The following ZC3H11A variants were observed in gnomAD, a reference collection of about 807,000 sequenced individuals.
ZC3H11A encodes the protein zinc finger CCCH-type containing 11A, also known as zinc finger CCCH domain-containing protein 11A.
Under a neutral mutation model 90.8 loss-of-function variants are expected in ZC3H11A, and 22 were observed. That is an observed-to-expected ratio of 0.24 (90% CI 0.17 to 0.35). ZC3H11A has a LOEUF of 0.35. Ranked by LOEUF, ZC3H11A falls within the 10% of genes least tolerant of loss-of-function variation. ZC3H11A has a pLI of 1.00. For synonymous variants in ZC3H11A, 294 were observed against 339.8 expected, an observed-to-expected ratio of 0.87 and a Z score of 1.48; for missense variants, 701 against 964.9, an observed-to-expected ratio of 0.73 and a Z score of 3.62.
chr1:203,853,628 T>C lies in ZC3H11A; in HGVS notation c.*1229T>C, dbSNP rs887024086. 4 of 152,676 alleles carry C rather than the reference T, an allele frequency of 2.6e-5. No individual in the cohort carries two copies. Among genetic ancestry groups the C allele is most frequent in the Non-Finnish European group, 4.4e-5 (3 of 68,042 alleles). The allele number at this position is 152,676 out of a possible 1,614,324, so 9.5% of individuals were successfully genotyped here. A position where few individuals can be genotyped will look rare whatever the true frequency, so the allele number is the denominator to read the frequency against. On this transcript the variant is annotated 3_prime_UTR_variant, in exon 18 of 18. Transcript: ENST00000367210. ...TGTAGGTGGCCAGTTTTGTTTCTCA[T>C]AGGGAAATCTGACCCACCTGTCATG...
intron 4 of ZC3H11A, among the ~76,000 whole-genome samples, chr1:203,827,159 G>A (rs976658197): frequency 2.0e-5 from 3 of 151,938 alleles, no homozygotes; most frequent in Non-Finnish European, 2.9e-5. Flanking sequence ...TCTGTTGTAC[G>A]AATACTTTAC....
intron 4 of ZC3H11A, among the ~76,000 whole-genome samples, chr1:203,821,081 G>C (rs1678504375): frequency 6.6e-6 from 1 of 152,096 alleles, no homozygotes; most frequent in Non-Finnish European, 1.5e-5. Context: ...GTTAAGGGAG[G>C]GACCTGATGG....
chr1:203,815,899 G>A (rs1034826186), intron 2 of ZC3H11A, among the ~76,000 whole-genome samples: 4 of 152,148 alleles, frequency 2.6e-5, no homozygotes, highest in Admixed American at 6.6e-5. Flanking sequence ...TTGCTTGGAC[G>A]TTTTAGTGTG....
At chr1:203,799,926 T>C (rs1670013658) in intron 1 of ZC3H11A, 1 of 1,536,152 alleles carries the variant, frequency 6.5e-7, no homozygotes, top group Non-Finnish European at 8.7e-7. Context: ...GGTCTGTAAT[T>C]ATATGGAATC....
At chr1:203,820,630 A>C (rs1445642435) in intron 4 of ZC3H11A, among the ~76,000 whole-genome samples, 1 of 151,886 alleles carries the variant, frequency 6.6e-6, no homozygotes, top group Non-Finnish European at 1.5e-5. Flanking sequence ...GGCATGCCTC[A>C]CCACACCCGT....
intron 2 of ZC3H11A, among the ~76,000 whole-genome samples, chr1:203,811,508 TA>T (rs958896479): frequency 1.3e-5 from 2 of 152,300 alleles, no homozygotes; most frequent in Non-Finnish European, 2.9e-5. Context: ...TTATTCCCCT[TA>T]AAAACTTTTT....
In ZC3H11A at chr1:203,853,585, C is replaced by A. The variant is rs1295895420; in HGVS notation, c.*1186C>A. ...AGGAGGAAGAGGAAGGAAGGACTTA[C>A]CCATTTTGATATTTTGCTGTAGGTG... On this transcript the variant is annotated 3_prime_UTR_variant, in exon 18 of 18. Transcript: ENST00000367210. 3 of 152,584 alleles carry A rather than the reference C, an allele frequency of 2.0e-5. No individual in the cohort carries two copies. Among genetic ancestry groups the A allele is most frequent in the African/African-American group, 7.2e-5 (3 of 41,428 alleles). The allele number at this position is 152,584 out of a possible 1,614,324, so 9.5% of individuals were successfully genotyped here. A position where few individuals can be genotyped will look rare whatever the true frequency, so the allele number is the denominator to read the frequency against.
In ZC3H11A at chr1:203,853,753, C is replaced by G. The variant is rs1689693864; in HGVS notation, c.*1354C>G. ...AAAAGGAAGAAAGCCACAGGACTGC[C>G]CATTCAGTCTTGGGAAGATTGGGAT... On this transcript the variant is annotated 3_prime_UTR_variant, in exon 18 of 18. Coordinates refer to ENST00000367210, the MANE Select transcript of ZC3H11A (RefSeq NM_001376342.1). 1 of 152,564 alleles carries G rather than the reference C, an allele frequency of 6.6e-6. No homozygotes were observed. The highest frequency in any genetic ancestry group is 2.4e-5 in the African/African-American group (1 of 41,402). 9.5% of individuals were successfully genotyped at this position (152,564 alleles called of 1,614,324 possible). A position where few individuals can be genotyped will look rare whatever the true frequency, so the allele number is the denominator to read the frequency against.
intron 2 of ZC3H11A, among the ~76,000 whole-genome samples, chr1:203,811,901 C>T (rs1487237756): frequency 6.6e-6 from 1 of 151,550 alleles, no homozygotes; most frequent in Non-Finnish European, 1.5e-5. Flanking sequence ...CTGCAACCTC[C>T]ACCTCCTGTG....
At chr1:203,799,276 T>C in intron 1 of ZC3H11A, 1 of 738,026 alleles carries the variant, frequency 1.4e-6, no homozygotes, top group Non-Finnish European at 2.4e-6. Flanking sequence ...CCATGCTTCC[T>C]GCATTGTTTA....
At chr1:203,798,490 A>G in intron 1 of ZC3H11A, 2 of 1,536,150 alleles carry the variant, frequency 1.3e-6, no homozygotes, top group Non-Finnish European at 1.7e-6. Context: ...GTTGCCAACA[A>G]AGACAGTGGT....
At chr1:203,842,090 G>C (rs985679276) in intron 12 of ZC3H11A, among the ~76,000 whole-genome samples, 28 of 151,630 alleles carry the variant, frequency 1.8e-4, no homozygotes, top group African/African-American at 6.5e-4. Context: ...ATGGCGGCTG[G>C]GAAGAGGCGC....
At position 203,838,596 on chromosome 1, in the gene ZC3H11A, A is replaced by G. The variant is rs150126779; in HGVS notation, c.973+532A>G. On this transcript the variant is annotated intron_variant, in intron 11 of 17. Transcript: ENST00000367210. ...AAGAGTGTGGTGACTAGATCATAATATAGTCTTTAAGCCATGTTAGAAAGT... is the reference window on the plus strand; with the variant it reads ...AAGAGTGTGGTGACTAGATCATAATGTAGTCTTTAAGCCATGTTAGAAAGT... Among the ~76,000 whole-genome samples the G allele has an allele frequency of 1.1e-3, 163 of 152,304 alleles. 1 individual carries two copies. The highest frequency in any genetic ancestry group is 3.5e-3 in the African/African-American group (145 of 41,570).
chr1:203,796,036 C>T (rs1333389923), intron 1 of ZC3H11A: 1 of 146,792 alleles, frequency 6.8e-6, no homozygotes, highest in Non-Finnish European at 1.5e-5. Flanking sequence ...CCACCCCCAC[C>T]CCGTTCACCC....
rs1199843013 is a variant in ZC3H11A, at chr1:203,853,354, G to A, written c.*955G>A. 6.6e-6 allele frequency: 1 copy of A among 152,512 alleles called. No individual in the cohort carries two copies. Among genetic ancestry groups the A allele is most frequent in the Non-Finnish European group, 1.5e-5 (1 of 68,020 alleles). 9.4% of individuals were successfully genotyped at this position (152,512 alleles called of 1,614,324 possible). ...TCAAGCTGCCAATATTTATCTATGG[G>A]CTGTAGCAGTACACTGAATTGTACT... is the stretch of plus-strand genomic sequence containing the variant. On this transcript the variant is annotated 3_prime_UTR_variant, in exon 18 of 18. Transcript: ENST00000367210.
rs368705235 is a variant in ZC3H11A at position 203,820,191 on chromosome 1, C to T, written c.174+1502C>T. On this transcript the variant is annotated intron_variant, in intron 4 of 17. Transcript: ENST00000367210. ...CGGAGGTTGCACTGAGCTGAGATTG[C>T]GCCACTCCATTCTGGCCTGGGTGAC... is the stretch of plus-strand genomic sequence containing the variant. Among the ~76,000 whole-genome samples, 286 of 150,864 alleles carry T rather than the reference C, an allele frequency of 1.9e-3. 2 individuals are homozygous for T. Among genetic ancestry groups the T allele is most frequent in the African/African-American group, 6.6e-3 (270 of 41,052 alleles).
At position 203,802,556 on chromosome 1, in the gene ZC3H11A, T is replaced by C. The variant is rs1336816492; in HGVS notation, c.-606T>C. 6.6e-6 allele frequency: 1 copy of C among 152,420 alleles called. No individual in the cohort carries two copies. The highest frequency in any genetic ancestry group is 1.5e-5 in the Non-Finnish European group (1 of 67,986). 9.4% of individuals were successfully genotyped at this position (152,420 alleles called of 1,614,324 possible). ...ATAAAGATGGGGGAAGGTTTCTGTT[T>C]TTTTCTTAATAGGTGAAGAAATCTT... is the stretch of plus-strand genomic sequence containing the variant. On this transcript the variant is annotated 5_prime_UTR_variant, in exon 2 of 18. Transcript: ENST00000367210.
chr1:203,815,662 T>C (rs971824845), intron 2 of ZC3H11A, among the ~76,000 whole-genome samples: 1 of 152,208 alleles, frequency 6.6e-6, no homozygotes, highest in African/African-American at 2.4e-5. Context: ...TTAGTACCCA[T>C]GTTCAGTGTC....
intron 10 of ZC3H11A, chr1:203,835,474 A>G (rs913995972): frequency 1.3e-5 from 2 of 155,634 alleles, no homozygotes; most frequent in Non-Finnish European, 2.9e-5. Flanking sequence ...TTCTAGCTGT[A>G]AATCAAGAAA....
Sources: gnomAD v4.1 joint callset for allele counts (sites outside exome capture counted in the v4.1 genomes callset) on GRCh38, gnomAD v4.1.1 for gene constraint, MANE v1.5 for transcripts, NCBI Gene and HGNC (gene_info 2026-07-23, HGNC 2026-07-21) for gene names.